Variants in FREM1 observed in about 807,000 individuals in gnomAD.
FREM1 encodes FRAS1-related extracellular matrix protein 1.
In FREM1, 220 loss-of-function variants were observed where a neutral mutation model predicts 210.1. The observed-to-expected ratio is 1.05, with a 90% CI of 0.94 to 1.17. The LOEUF (loss-of-function observed/expected upper bound fraction) is 1.17, where lower values mean the gene tolerates loss of function less well. Ranked by LOEUF, FREM1 falls within the 50% of genes most tolerant of loss-of-function variation. The probability of loss-of-function intolerance (pLI) is 0.00; values close to 1 mark genes in which losing one functional copy is unlikely to be tolerated. For synonymous variants in FREM1, 1,189 were observed against 980.2 expected, an observed-to-expected ratio of 1.21 and a Z score of -3.98; for missense variants, 3,454 against 2,675.5, an observed-to-expected ratio of 1.29 and a Z score of -6.42.
chr9:14,891,039 C>T (rs1031868878), intron 1 of FREM1, among the ~76,000 whole-genome samples: 2 of 152,160 alleles, frequency 1.3e-5, no homozygotes, highest in African/African-American at 2.4e-5. Context: ...AGGGACCTAC[C>T]GTGGGCATGT....
intron 29 of FREM1, among the ~76,000 whole-genome samples, chr9:14,753,515 T>A (rs1843741253): frequency 1.3e-5 from 2 of 152,226 alleles, no homozygotes; most frequent in South Asian, 4.1e-4. Flanking sequence ...GTTTGGTATT[T>A]TTTTGGTTTG....
At chr9:14,783,456 G>A (rs906014992) in intron 24 of FREM1, among the ~76,000 whole-genome samples, 3 of 152,194 alleles carry the variant, frequency 2.0e-5, no homozygotes, top group African/African-American at 7.2e-5. Context: ...AAGTGTGGGT[G>A]TACAATAGAC....
intron 1 of FREM1, among the ~76,000 whole-genome samples, chr9:14,883,370 A>G (rs539174042): frequency 6.6e-6 from 1 of 152,284 alleles, no homozygotes; most frequent in Non-Finnish European, 1.5e-5. Context: ...AGCAATAAAG[A>G]TCAAAAAGGG....
chr9:14,758,687 T>TA (rs35084046), intron 28 of FREM1, among the ~76,000 whole-genome samples: 38,141 of 109,424 alleles, frequency 0.35, 5,341 homozygotes, highest in Middle Eastern at 0.48. Context: ...GGGGATGGGG[T>TA]GGGGGGGAGT....
At chr9:14,772,747 C>A (rs1847811810) in intron 25 of FREM1, among the ~76,000 whole-genome samples, 1 of 152,148 alleles carries the variant, frequency 6.6e-6, no homozygotes, top group Non-Finnish European at 1.5e-5. Flanking sequence ...GAAGCTCCCA[C>A]AACCAAGTGG....
At position 14,860,662 on chromosome 9, in the gene FREM1, T is replaced by TACAC. The variant is rs1467807449; in HGVS notation, c.330-1179_330-1178insGTGT. Among the ~76,000 whole-genome samples the TACAC allele has an allele frequency of 9.1e-4, 121 of 133,024 alleles. 10 individuals carry two copies. The highest frequency in any genetic ancestry group is 3.6e-3 in the African/African-American group (113 of 31,308). The allele number at this position is 133,024 out of a possible 152,430, so 87.3% of individuals were successfully genotyped here. ...ACATGTATACATATATACACATATA[T>TACAC]ACATATATACACACATATATACACA... On this transcript the variant is annotated intron_variant, in intron 3 of 36. Transcript: ENST00000380880.
At chr9:14,853,064 A>T (rs564370128) in intron 5 of FREM1, among the ~76,000 whole-genome samples, 1 of 152,306 alleles carries the variant, frequency 6.6e-6, no homozygotes, top group South Asian at 2.1e-4. Context: ...CACTTTCCTG[A>T]CCTTCAACAC....
At chr9:14,772,018 G>A (rs918944547) in intron 25 of FREM1, among the ~76,000 whole-genome samples, 1 of 151,884 alleles carries the variant, frequency 6.6e-6, no homozygotes, top group Non-Finnish European at 1.5e-5. Context: ...CTTTTGGGGT[G>A]GGGAAAGATT....
At chr9:14,738,644 C>T (rs1050379228) in intron 36 of FREM1, among the ~76,000 whole-genome samples, 1 of 152,064 alleles carries the variant, frequency 6.6e-6, no homozygotes, top group Non-Finnish European at 1.5e-5. Context: ...AAATACAACG[C>T]CTTTAAAGAG....
At chr9:14,825,094 G>A in intron 10 of FREM1, 102 bp from the exon 11 acceptor site, 2 of 767,760 alleles carry the variant, frequency 2.6e-6, no homozygotes, top group African/African-American at 3.6e-5. Flanking sequence ...TTCTAAAACT[G>A]TCATTTATAA....
rs1315563331 is a variant in FREM1, at chr9:14,836,275, G to C, written c.1881+5172C>G. ...CCTTCAAACTAAAATATTGGACAGAGAGTTTTCATTGCTGTAGTATTTTGC... is the reference window on the plus strand; with the variant it reads ...CCTTCAAACTAAAATATTGGACAGACAGTTTTCATTGCTGTAGTATTTTGC... On this transcript the variant is annotated intron_variant, in intron 10 of 36. Coordinates refer to ENST00000380880, the MANE Select transcript of FREM1 (RefSeq NM_001379081.2). This position sits in a 1 kb window ranked among gnomAD's most constrained non-coding sequence, Gnocchi z 4.9. Among the ~76,000 whole-genome samples the C allele has an allele frequency of 2.6e-5, 4 of 152,356 alleles. No individual in the cohort carries two copies. Among genetic ancestry groups the C allele is most frequent in the African/African-American group, 7.2e-5 (3 of 41,588 alleles).
At chr9:14,758,073 G>A (rs182138488) in intron 28 of FREM1, among the ~76,000 whole-genome samples, 134 of 152,282 alleles carry the variant, frequency 8.8e-4, no homozygotes, top group African/African-American at 3.1e-3. Flanking sequence ...AATCAGTCAG[G>A]TGAAGGTGCA....
chr9:14,908,994 G>C (rs1818272023), intron 1 of FREM1, among the ~76,000 whole-genome samples: 1 of 152,154 alleles, frequency 6.6e-6, no homozygotes, highest in Admixed American at 6.5e-5. Flanking sequence ...TTTACCTAGA[G>C]TCAGGAACAG....
chr9:14,839,192 G>A (rs1027437415), intron 10 of FREM1, among the ~76,000 whole-genome samples: 2 of 152,212 alleles, frequency 1.3e-5, no homozygotes, highest in Non-Finnish European at 2.9e-5. Flanking sequence ...GTGAGGTGGG[G>A]AGGTAGAGAT....
chr9:14,878,503 T>G (rs1834193874), intron 1 of FREM1, among the ~76,000 whole-genome samples: 1 of 152,224 alleles, frequency 6.6e-6, no homozygotes, highest in Non-Finnish European at 1.5e-5. Flanking sequence ...CCTAGCATTC[T>G]TTACCACTTT....
intron 1 of FREM1, among the ~76,000 whole-genome samples, chr9:14,892,835 T>TTC (rs1183908802): frequency 6.6e-6 from 1 of 152,136 alleles, no homozygotes; most frequent in African/African-American, 2.4e-5. Context: ...GGCAATGCTT[T>TTC]TCTCTCTCTC....
At chr9:14,786,111 A>G (rs1850388592) in intron 23 of FREM1, among the ~76,000 whole-genome samples, 1 of 152,178 alleles carries the variant, frequency 6.6e-6, no homozygotes, top group Non-Finnish European at 1.5e-5. Context: ...AGACCCTTAC[A>G]CCTTCACACT....
intron 10 of FREM1, among the ~76,000 whole-genome samples, chr9:14,837,177 C>G (rs1341181006): frequency 6.6e-6 from 1 of 152,212 alleles, no homozygotes; most frequent in Non-Finnish European, 1.5e-5. Context: ...TATTAAAAGG[C>G]TAGGGTGGGA....
intron 10 of FREM1, among the ~76,000 whole-genome samples, chr9:14,825,572 C>A (rs1319998757): frequency 2.0e-4 from 13 of 64,058 alleles, no homozygotes; most frequent in South Asian, 5.3e-4. Context: ...TATATATATA[C>A]CACAATTATA....
Sources: gnomAD v4.1 joint callset for allele counts (sites outside exome capture counted in the v4.1 genomes callset) on GRCh38, gnomAD v4.1.1 for gene constraint, Gnocchi (gnomAD v3.1) non-coding constraint, MANE v1.5 for transcripts, NCBI Gene and HGNC (gene_info 2026-07-23, HGNC 2026-07-21) for gene names.